The following PDE11A variants were observed in gnomAD, a reference collection of about 807,000 sequenced individuals.
PDE11A encodes the protein dual 3',5'-cyclic-AMP and -GMP phosphodiesterase 11A.
Under a neutral mutation model 100.5 loss-of-function variants are expected in PDE11A, and 100 were observed. The ratio of observed to expected loss-of-function variants is 1.00; its 90% CI spans 0.85 to 1.18. The LOEUF is 1.18. Ranked by LOEUF, PDE11A falls within the 50% of genes most tolerant of loss-of-function variation. The pLI, the probability that PDE11A is intolerant of heterozygous loss-of-function variation, is 0.00. For missense variants in PDE11A, 1,141 were observed against 1,152.6 expected (o/e 0.99, Z 0.15); for synonymous variants, 381 against 420.8 (o/e 0.91, Z 1.16).
intron 10 of PDE11A, among the ~76,000 whole-genome samples, chr2:177,746,528 G>A (rs531758189): frequency 2.6e-5 from 4 of 152,274 alleles, no homozygotes; most frequent in African/African-American, 7.2e-5. Context: ...CACATCTAAG[G>A]TGGAAGGAAC....
intron 9 of PDE11A, among the ~76,000 whole-genome samples, chr2:177,813,827 C>T (rs1437188893): frequency 7.2e-6 from 1 of 138,818 alleles, no homozygotes; most frequent in South Asian, 2.2e-4. Context: ...ACTCTTGTTG[C>T]TAACCGGAAA....
chr2:178,029,452 C>A (rs2105839708), intron 1 of PDE11A, among the ~76,000 whole-genome samples: 1 of 151,748 alleles, frequency 6.6e-6, no homozygotes, highest in East Asian at 1.9e-4. Flanking sequence ...AAAATAATGT[C>A]TAAATATAAA....
rs907559744 is a variant in PDE11A, at chr2:177,893,874, T to G, written c.1302+4184A>C. Among the ~76,000 whole-genome samples, 4 of 152,224 alleles carry G rather than the reference T, an allele frequency of 2.6e-5. No individual in the cohort carries two copies. The East Asian group carries it at 7.7e-4, about 29-fold the overall frequency. On this transcript the variant is annotated intron_variant, in intron 4 of 19. Coordinates refer to ENST00000286063, the MANE Select transcript of PDE11A (RefSeq NM_016953.4). The stretch of plus-strand genomic sequence containing the variant: ...TCTTATATGGATTCCCTTATTATTA[T>G]AAAAATATACCTATTATTGAAATAT...
chr2:178,031,111 A>G (rs2086541723), intron 1 of PDE11A, among the ~76,000 whole-genome samples: 1 of 152,180 alleles, frequency 6.6e-6, no homozygotes, highest in South Asian at 2.1e-4. Context: ...AAAGTTAATA[A>G]AACTCTGCAT....
Position 177,628,580 on chromosome 2 carries a change from T to C in PDE11A, c.*827A>G, listed in dbSNP as rs2079870255. On this transcript the variant is annotated 3_prime_UTR_variant, in exon 20 of 20. Transcript: ENST00000286063. ...CAAGGTAGTCAATGCTTAGTCTCCA[T>C]GGCTCTGCTCTGTCCTGTGAACTAT... The C allele has an allele frequency of 6.6e-6, 1 of 152,256 alleles. No homozygotes were observed. The highest frequency in any genetic ancestry group is 6.5e-5 in the Admixed American group (1 of 15,284). 9.4% of individuals were successfully genotyped at this position (152,256 alleles called of 1,614,324 possible).
chr2:177,782,270 C>G (rs958302338), intron 9 of PDE11A, among the ~76,000 whole-genome samples: 1 of 152,180 alleles, frequency 6.6e-6, no homozygotes, highest in African/African-American at 2.4e-5. Context: ...ACCACACATT[C>G]TTTGACACTA....
chr2:177,805,616 T>G (rs2082857990), intron 9 of PDE11A, among the ~76,000 whole-genome samples: 1 of 152,104 alleles, frequency 6.6e-6, no homozygotes. Flanking sequence ...TAATATGGAA[T>G]AAAAATGTAT....
intron 5 of PDE11A, among the ~76,000 whole-genome samples, chr2:177,844,890 G>A (rs1354851830): frequency 1.3e-5 from 2 of 152,192 alleles, no homozygotes; most frequent in African/African-American, 4.8e-5. Context: ...CAAGGCAGAA[G>A]AAGTTTTCTT....
chr2:177,996,243 AAG>A, intron 2 of PDE11A, among the ~76,000 whole-genome samples: 1 of 142,518 alleles, frequency 7.0e-6, no homozygotes, highest in African/African-American at 2.5e-5. Context: ...AAAAAAAAAA[AAG>A]AAAAAGAAAA....
At chr2:177,838,419 C>A (rs1293641606) in intron 6 of PDE11A, among the ~76,000 whole-genome samples, 1 of 152,124 alleles carries the variant, frequency 6.6e-6, no homozygotes, top group East Asian at 1.9e-4. Flanking sequence ...GGAAAATAAG[C>A]ACTTAAATGA....
intron 9 of PDE11A, among the ~76,000 whole-genome samples, chr2:177,815,370 C>T (rs2083020324): frequency 6.6e-6 from 1 of 152,172 alleles, no homozygotes; most frequent in Non-Finnish European, 1.5e-5. Context: ...TAGTTCTGCA[C>T]ACAGACCTTA....
chr2:177,882,331 T>A (rs2084356889), intron 4 of PDE11A, among the ~76,000 whole-genome samples: 1 of 152,238 alleles, frequency 6.6e-6, no homozygotes. Context: ...AAAAACGGCT[T>A]AAATATTTGG....
intron 17 of PDE11A, among the ~76,000 whole-genome samples, chr2:177,671,611 G>A (rs2080683335): frequency 6.6e-6 from 1 of 151,678 alleles, no homozygotes. Context: ...CATCAATTTG[G>A]AGACAAACAA....
At chr2:177,994,412 T>C (rs2086044389) in intron 2 of PDE11A, among the ~76,000 whole-genome samples, 1 of 152,210 alleles carries the variant, frequency 6.6e-6, no homozygotes, top group African/African-American at 2.4e-5. Context: ...TTAATGTCCA[T>C]AATGAGCATG....
intron 1 of PDE11A, among the ~76,000 whole-genome samples, chr2:178,029,896 C>G (rs145538303): frequency 6.6e-6 from 1 of 152,262 alleles, no homozygotes; most frequent in Non-Finnish European, 1.5e-5. Context: ...AGAAGTGGGT[C>G]TGCCTCTCCC....
chr2:177,790,990 G>C (rs1370736205), intron 9 of PDE11A, among the ~76,000 whole-genome samples: 2 of 152,120 alleles, frequency 1.3e-5, no homozygotes, highest in African/African-American at 4.8e-5. Context: ...GATTCCTCAG[G>C]GATCTAGAAC....
At chr2:177,668,363 A>G (rs13017234) in intron 18 of PDE11A, among the ~76,000 whole-genome samples, 117,979 of 152,152 alleles carry the variant, frequency 0.78, 47,518 homozygotes, top group East Asian at 0.98. Context: ...TTTGGGTCAT[A>G]CTAGGTTTTA....
At chr2:177,738,692 G>T (rs532487620) in intron 10 of PDE11A, among the ~76,000 whole-genome samples, 1 of 152,174 alleles carries the variant, frequency 6.6e-6, no homozygotes. Context: ...CCTCCCTGCT[G>T]CAGCCTCACC....
At chr2:177,770,017 A>C (rs6727390) in intron 9 of PDE11A, among the ~76,000 whole-genome samples, 13,046 of 152,192 alleles carry the variant, frequency 0.086, 1,874 homozygotes, top group African/African-American at 0.29. Flanking sequence ...ATCTGTAGCA[A>C]ACACTGTAGG....
Sources: allele counts gnomAD v4.1 joint callset (sites outside exome capture counted in the v4.1 genomes callset), GRCh38; gene constraint gnomAD v4.1.1; transcripts MANE v1.5; gene names NCBI Gene and HGNC (gene_info 2026-07-23, HGNC 2026-07-21).